The following PTN variants were observed in gnomAD, a reference collection of about 807,000 sequenced individuals.
The protein encoded by PTN is heparin affin regulatory protein.
Under a neutral mutation model 24.1 loss-of-function variants are expected in PTN, and 18 were observed. That is an observed-to-expected ratio of 0.75 (90% CI 0.52 to 1.11). The LOEUF is 1.11. Ranked by LOEUF, PTN falls within the 50% of genes least tolerant of loss-of-function variation. The probability of loss-of-function intolerance (pLI) is 0.00; values close to 1 mark genes in which losing one functional copy is unlikely to be tolerated. For missense variants in PTN, 163 were observed against 198.8 expected, an observed-to-expected ratio of 0.82 and a Z score of 1.08; for synonymous variants, 78 against 68.6, an observed-to-expected ratio of 1.14 and a Z score of -0.67.
rs984458479 is a variant in PTN at position 137,306,167 on chromosome 7, C to T, written c.-2+37272G>A. Among the ~76,000 whole-genome samples the T allele has an allele frequency of 9.2e-5, 14 of 152,230 alleles. No homozygotes were observed. The East Asian group carries it at 2.5e-3, about 27-fold the overall frequency. On this transcript the variant is annotated intron_variant, in intron 1 of 4. Transcript: ENST00000348225. ...TCCTAAATCTGCCCTTCCTGAAACA[C>T]TAGCCTTTGTCCTTCCAGTTGCCCT... is the stretch of plus-strand genomic sequence containing the variant.
At chr7:137,270,880 T>C (rs1809261481) in intron 1 of PTN, among the ~76,000 whole-genome samples, 1 of 152,222 alleles carries the variant, frequency 6.6e-6, no homozygotes, top group African/African-American at 2.4e-5. Context: ...CTTCATCCTA[T>C]GGCTAAGAAA....
chr7:137,319,112 C>T (rs1449819217), intron 1 of PTN, among the ~76,000 whole-genome samples: 3 of 152,214 alleles, frequency 2.0e-5, no homozygotes. Flanking sequence ...ACCACATCGT[C>T]GCTGACTACT....
chr7:137,270,917 T>G (rs1415986510), intron 1 of PTN, among the ~76,000 whole-genome samples: 1 of 152,222 alleles, frequency 6.6e-6, no homozygotes, highest in Non-Finnish European at 1.5e-5. Flanking sequence ...GTATCTCTAC[T>G]GAAAATAGTT....
At chr7:137,245,850 A>G (rs1178279314) in intron 4 of PTN, among the ~76,000 whole-genome samples, 1 of 152,220 alleles carries the variant, frequency 6.6e-6, no homozygotes, top group East Asian at 1.9e-4. Flanking sequence ...TTATGGAATA[A>G]AGATATAAGG....
At chr7:137,278,482 A>G (rs1184815030) in intron 1 of PTN, among the ~76,000 whole-genome samples, 1 of 152,178 alleles carries the variant, frequency 6.6e-6, no homozygotes, top group Non-Finnish European at 1.5e-5. Context: ...TTTCACAGAA[A>G]TAGTCATGAG....
chr7:137,313,081 C>CTCT (rs1554381214), intron 1 of PTN, among the ~76,000 whole-genome samples: 1 of 151,694 alleles, frequency 6.6e-6, no homozygotes, highest in Non-Finnish European at 1.5e-5. Context: ...CTCGTTCCCC[C>CTCT]CTCTCATTCA....
chr7:137,294,274 C>T (rs1237563588), intron 1 of PTN, among the ~76,000 whole-genome samples: 1 of 152,074 alleles, frequency 6.6e-6, no homozygotes, highest in Non-Finnish European at 1.5e-5. Flanking sequence ...CTTAGTAGGG[C>T]TGGTGATGGC....
At position 137,251,385 on chromosome 7, in the gene PTN, C is replaced by T. The variant is rs757916124; in HGVS notation, c.296G>A (p.Cys99Tyr). The change falls in exon 4 of 5, where the codon TGC (cysteine) becomes TAC (tyrosine). Residue 99 changes from cysteine to tyrosine, a missense_variant. Transcript: ENST00000348225. Reference protein sequence around the residue: ...CNWKKQFGAECKYQFQAWGEC... With the variant: ...CNWKKQFGAEYKYQFQAWGEC... Reference sequence around the variant, plus strand: ...TCCCCAGGCCTGGAACTGGTATTTGCACTCCGCTAAAGGCAGGGTAGAACC... The same window carrying T: ...TCCCCAGGCCTGGAACTGGTATTTGTACTCCGCTAAAGGCAGGGTAGAACC... The T allele has an allele frequency of 6.2e-7, 1 of 1,614,040 alleles. No individual in the cohort carries two copies. The highest frequency in any genetic ancestry group is 8.5e-7 in the Non-Finnish European group (1 of 1,179,930).
chr7:137,261,248 C>T (rs1181302713), intron 1 of PTN, among the ~76,000 whole-genome samples: 1 of 152,032 alleles, frequency 6.6e-6, no homozygotes, highest in Non-Finnish European at 1.5e-5. Context: ...AAAATCTGGG[C>T]ACTAGGGATG....
At chr7:137,298,980 C>G (rs541734378) in intron 1 of PTN, among the ~76,000 whole-genome samples, 1 of 151,898 alleles carries the variant, frequency 6.6e-6, no homozygotes, top group Non-Finnish European at 1.5e-5. Flanking sequence ...ATTGAACACT[C>G]TAAAGAGTGT....
At chr7:137,316,238 G>A (rs1810070081) in intron 1 of PTN, among the ~76,000 whole-genome samples, 1 of 152,080 alleles carries the variant, frequency 6.6e-6, no homozygotes, top group South Asian at 2.1e-4. Flanking sequence ...CCGTCACCTG[G>A]GAACTTGTTA....
At chr7:137,321,255 G>A (rs530540463) in intron 1 of PTN, among the ~76,000 whole-genome samples, 47 of 152,268 alleles carry the variant, frequency 3.1e-4, no homozygotes, top group Non-Finnish European at 5.7e-4. Context: ...TGGCTTACGG[G>A]AAGGCACTAT....
intron 4 of PTN, among the ~76,000 whole-genome samples, chr7:137,236,868 A>T (rs1455619052): frequency 6.6e-6 from 1 of 152,158 alleles, no homozygotes; most frequent in Non-Finnish European, 1.5e-5. Flanking sequence ...TCTAATGTTT[A>T]ATATAATATA....
At chr7:137,308,090 CTCTT>C (rs1383395957) in intron 1 of PTN, among the ~76,000 whole-genome samples, 2 of 152,146 alleles carry the variant, frequency 1.3e-5, no homozygotes, top group Non-Finnish European at 2.9e-5. Flanking sequence ...TGCAATCTTA[CTCTT>C]TCTGACTTGA....
At chr7:137,228,182 C>T (rs1808366708) in intron 4 of PTN, 107 bp from the exon 5 acceptor site, 5 of 723,982 alleles carry the variant, frequency 6.9e-6, no homozygotes, top group African/African-American at 3.5e-5. Context: ...CAGACTGATA[C>T]ACAAGTTGTT....
intron 4 of PTN, chr7:137,236,352 G>A: frequency 1.5e-6 from 1 of 686,148 alleles, no homozygotes; most frequent in South Asian, 1.5e-5. Flanking sequence ...AGCCACACAT[G>A]AGCGTGTTGG....
At chr7:137,339,687 T>G (rs1446089130) in intron 1 of PTN, among the ~76,000 whole-genome samples, 1 of 151,954 alleles carries the variant, frequency 6.6e-6, no homozygotes, top group Non-Finnish European at 1.5e-5. Context: ...GGGCAGGCAT[T>G]CCTGGTACAT....
chr7:137,314,279 T>G (rs1416573518), intron 1 of PTN, among the ~76,000 whole-genome samples: 1 of 152,172 alleles, frequency 6.6e-6, no homozygotes, highest in East Asian at 1.9e-4. Flanking sequence ...AAAGTGGCCT[T>G]AGCAGTATCA....
intron 1 of PTN, among the ~76,000 whole-genome samples, chr7:137,333,903 C>T (rs1290522900): frequency 1.3e-5 from 2 of 152,138 alleles, no homozygotes; most frequent in Non-Finnish European, 2.9e-5. Flanking sequence ...CTATAACTAT[C>T]TGATCTTTGA....
Sources: allele counts gnomAD v4.1 joint callset (sites outside exome capture counted in the v4.1 genomes callset), GRCh38; gene constraint gnomAD v4.1.1; transcripts MANE v1.5; gene names NCBI Gene and HGNC (gene_info 2026-07-23, HGNC 2026-07-21).